The following AQP12A variants were observed in gnomAD, a reference collection of about 807,000 sequenced individuals.
AQP12A encodes putative aquaporin-12A.
A neutral mutation model predicts 12.2 loss-of-function variants in AQP12A; 11 were observed. The ratio of observed to expected loss-of-function variants is 0.90; its 90% CI spans 0.57 to 1.49. AQP12A has a LOEUF of 1.49. Ranked by LOEUF, AQP12A falls within the 40% of genes most tolerant of loss-of-function variation. The probability of loss-of-function intolerance (pLI) is 0.00; values close to 1 mark genes in which losing one functional copy is unlikely to be tolerated. For synonymous variants in AQP12A, 101 were observed against 127.1 expected (o/e 0.79, Z 1.38); for missense variants, 203 against 260.8 (o/e 0.78, Z 1.53).
intron 2 of AQP12A, among the ~76,000 whole-genome samples, chr2:240,693,587 T>C (rs376610979): frequency 0.2 from 29,928 of 147,260 alleles, 109 homozygotes; most frequent in Middle Eastern, 0.27. Context: ...GTCCCTGTGG[T>C]CCCTGCCCTC....
chr2:240,695,530 TGCCGA>T (rs1462485008), intron 3 of AQP12A: 1 of 340,884 alleles, frequency 2.9e-6, no homozygotes, highest in Admixed American at 3.5e-5. Flanking sequence ...CTGCCCCCGT[TGCCGA>T]GGCAGCACTG....
At chr2:240,692,714 G>A (rs1200623676) in intron 2 of AQP12A, among the ~76,000 whole-genome samples, 193 bp downstream of exon 2, 1 of 150,766 alleles carries the variant, frequency 6.6e-6, no homozygotes, top group African/African-American at 2.5e-5. Flanking sequence ...GGGGTGCGGT[G>A]GAGCAGCCTG....
At chr2:240,693,786 ATCTCTCTCTGTCTCTCCTC>A (rs1559462387) in intron 2 of AQP12A, among the ~76,000 whole-genome samples, 4 of 147,924 alleles carry the variant, frequency 2.7e-5, no homozygotes, top group Admixed American at 6.7e-5. Flanking sequence ...TATTTCTGAG[ATCTCTCTCTGTCTCTCCTC>A]TCTCTCTCTG....
Position 240,691,978 on chromosome 2 carries a change from G to A in AQP12A, c.65G>A (p.Arg22Lys), listed in dbSNP as rs752527432. The A allele has an allele frequency of 5.6e-5, 89 of 1,588,636 alleles. 7 individuals are homozygous for A. Among genetic ancestry groups the A allele is most frequent in the Non-Finnish European group, 7.2e-5 (84 of 1,168,912 alleles). ...FATFALCEAARRASKALLPVG... is the reference protein window; with the variant it reads ...FATFALCEAAKRASKALLPVG... ...ACCTTCGCCCTCTGTGAGGCGGCCA[G>A]GCGGGCCTCCAAGGCCCTGCTCCCA... is the stretch of plus-strand genomic sequence containing the variant. The change falls in exon 1 of 4, where the codon AGG becomes AAG. Residue 22 changes from arginine (R) to lysine (K), a missense_variant. Transcript: ENST00000337801.
intron 2 of AQP12A, among the ~76,000 whole-genome samples, chr2:240,694,087 A>ATC (rs1432620553): frequency 6.5e-5 from 5 of 77,026 alleles, no homozygotes; most frequent in Non-Finnish European, 9.4e-5. Flanking sequence ...GTCTCTCTCC[A>ATC]TCTCTCTCTG....
chr2:240,692,147 T>G lies in AQP12A; in HGVS notation c.197T>G (p.Leu66Arg). ...GPDLLLTLLF[L>R]LFLAHGVTLD... Reference sequence around the variant, plus strand: ...GACCTGCTGCTCACCCTGCTCTTCCTGCTCTTCCTGGCGCACGGGGTCACC... The same window carrying G: ...GACCTGCTGCTCACCCTGCTCTTCCGGCTCTTCCTGGCGCACGGGGTCACC... Residue 66 changes from leucine to arginine, a missense_variant, in exon 2 of 4, where the codon CTG (leucine) becomes CGG (arginine). Leu to Arg is a moderately radical substitution (Grantham distance 102). Coordinates refer to ENST00000337801, the MANE Select transcript of AQP12A (RefSeq NM_198998.3). The G allele has an allele frequency of 6.3e-7, 1 of 1,583,820 alleles. No individual in the cohort carries two copies. Among genetic ancestry groups the G allele is most frequent in the Non-Finnish European group, 8.6e-7 (1 of 1,168,420 alleles).
At position 240,692,421 on chromosome 2, in the gene AQP12A, C is replaced by A. The variant is rs750333235; in HGVS notation, c.471C>A (p.Cys157Ter). ...ACGGGGCGCTTGTGGAGGCCGCCTG[C>A]GCCTTTTGTTTCCATCTGACCCTCC... ...VPHGALVEAA[C>*]AFCFHLTLLH... The change falls in exon 2 of 4, where the codon TGC becomes TGA. Residue 157 changes from cysteine to a stop codon, truncating the protein, a stop_gained. Transcript: ENST00000337801. LOFTEE classifies it high-confidence loss of function. 6 of 1,515,692 alleles carry A rather than the reference C, an allele frequency of 4.0e-6. No homozygotes were observed. The highest frequency in any genetic ancestry group is 5.3e-6 in the Non-Finnish European group (6 of 1,132,970). The allele number at this position is 1,515,692 out of a possible 1,614,324, so 93.9% of individuals were successfully genotyped here.
At chr2:240,692,763 C>T (rs1313364431) in intron 2 of AQP12A, among the ~76,000 whole-genome samples, 4 of 151,140 alleles carry the variant, frequency 2.6e-5, no homozygotes, top group Non-Finnish European at 4.4e-5. Context: ...CACCTCTCCC[C>T]AGTCGCAGCT....
In AQP12A at chr2:240,691,899, G is replaced by C. The variant is rs531753848; in HGVS notation, c.-15G>C. On this transcript the variant is annotated 5_prime_UTR_variant, in exon 1 of 4. Transcript: ENST00000337801. ...AGGTGTCCTGCAGGCACAGCTCCTC[G>C]GGGGGCCCAGGCCGATGGCAGGTCT... 1.6e-5 allele frequency: 25 copies of C among 1,591,396 alleles called. 5 individuals carry two copies. Among genetic ancestry groups the C allele is most frequent in the East Asian group, 1.4e-4 (6 of 42,574 alleles).
Position 240,692,262 on chromosome 2 carries a change from G to A in AQP12A, c.312G>A (p.Ala104=), listed in dbSNP as rs778829127. The A allele has an allele frequency of 1.8e-5, 29 of 1,578,728 alleles. 5 individuals carry two copies. Among genetic ancestry groups the A allele is most frequent in the South Asian group, 1.5e-4 (13 of 88,148 alleles). Residue 104 remains alanine, a synonymous_variant, in exon 2 of 4, where the codon GCG becomes GCA. Coordinates refer to ENST00000337801, the MANE Select transcript of AQP12A (RefSeq NM_198998.3). ...TGCCTGGCACGCTGTTGAAGCTGGC[G>A]GCACAGGGGCTGGGCATGCAGGCCG... ...QSLPGTLLKL[A]AQGLGMQAAC...
chr2:240,692,120 C>T lies in AQP12A; in HGVS notation c.170C>T (p.Pro57Leu). Residue 57 changes from proline to leucine, a missense_variant, in exon 2 of 4, where the codon CCT becomes CTT. Coordinates refer to ENST00000337801, the MANE Select transcript of AQP12A (RefSeq NM_198998.3). ...ELGPWAGDFG[P>L]DLLLTLLFLL... ...GGGCCCTGGGCTGGGGACTTTGGGC[C>T]TGACCTGCTGCTCACCCTGCTCTTC... The T allele has an allele frequency of 1.3e-6, 2 of 1,583,824 alleles. No individual in the cohort carries two copies. Among genetic ancestry groups the T allele is most frequent in the Non-Finnish European group, 1.7e-6 (2 of 1,168,462 alleles).
rs1455276161 is a variant in AQP12A, at chr2:240,692,512, G to A, written c.562G>A (p.Ala188Thr). Residue 188 changes from alanine (A) to threonine (T), a missense_variant, in exon 2 of 4, where the codon GCC (alanine) becomes ACC (threonine). By Grantham distance (58) the Ala-to-Thr change is moderately conservative (BLOSUM62 0). Coordinates refer to ENST00000337801, the MANE Select transcript of AQP12A (RefSeq NM_198998.3). ...PAVALLVTVT[A>T]YTAGPFTSAF... ...TGTGGCTCTGTTGGTCACCGTCACG[G>A]CCTACACGGGTGAGCACTGCTTCCC... 2 of 1,361,030 alleles carry A rather than the reference G, an allele frequency of 1.5e-6. No individual in the cohort carries two copies. The highest frequency in any genetic ancestry group is 2.0e-6 in the Non-Finnish European group (2 of 1,014,758). 84.3% of individuals were successfully genotyped at this position (1,361,030 alleles called of 1,614,324 possible).
intron 2 of AQP12A, among the ~76,000 whole-genome samples, chr2:240,693,821 CCTCT>C (rs758364823): frequency 0.021 from 2,082 of 97,714 alleles, 12 homozygotes; most frequent in African/African-American, 0.059. Context: ...CTCTGTCTCT[CCTCT>C]CTCTCTCTGT....
chr2:240,693,853 G>T (rs1232737756), intron 2 of AQP12A, among the ~76,000 whole-genome samples: 4 of 60,456 alleles, frequency 6.6e-5, no homozygotes, highest in Admixed American at 2.1e-4. Flanking sequence ...CTCTCTCTCT[G>T]TCTCTCCTCT....
intron 2 of AQP12A, among the ~76,000 whole-genome samples, chr2:240,692,901 C>T (rs1387312845): frequency 2.6e-5 from 4 of 151,690 alleles, no homozygotes; most frequent in Admixed American, 1.3e-4. Flanking sequence ...CCTTCCAGAG[C>T]GACAGGTCCT....
rs1319469283 is a variant in AQP12A at position 240,692,048 on chromosome 2, T to A, written c.123+12T>A. ...TCGCCCGGGAGGCGGTGGGTGCGGG[T>A]GCAGCTCGGGCCCTGCTGCCTGGAG... On this transcript the variant is annotated intron_variant, in intron 1 of 3. Coordinates refer to ENST00000337801, the MANE Select transcript of AQP12A (RefSeq NM_198998.3). 1 of 1,579,132 alleles carries A rather than the reference T, an allele frequency of 6.3e-7. No individual in the cohort carries two copies.
rs758912676 is a variant in AQP12A, at chr2:240,692,205, C to G, written c.255C>G (p.Ser85=). The change falls in exon 2 of 4, where the codon TCC becomes TCG. Residue 85 remains serine, a synonymous_variant. Coordinates refer to ENST00000337801, the MANE Select transcript of AQP12A (RefSeq NM_198998.3). The part of the protein sequence containing the change: ...LDGASANPTV[S]LQEFLMAEQS... ...GGGCCTCGGCCAACCCCACTGTGTC[C>G]CTGCAGGAGTTCCTCATGGCCGAGC... 3.2e-6 allele frequency: 5 copies of G among 1,580,732 alleles called. No individual in the cohort carries two copies. The highest frequency in any genetic ancestry group is 3.4e-6 in the Non-Finnish European group (4 of 1,167,798).
chr2:240,695,538 C>CA (rs2044104608), intron 3 of AQP12A: 1 of 332,788 alleles, frequency 3.0e-6, no homozygotes, highest in African/African-American at 2.2e-5. Flanking sequence ...GTTGCCGAGG[C>CA]AGCACTGCCC....
chr2:240,693,796 GTCTCTCCTCTCTC>G, intron 2 of AQP12A, among the ~76,000 whole-genome samples: 3 of 141,386 alleles, frequency 2.1e-5, no homozygotes, highest in Non-Finnish European at 4.7e-5. Flanking sequence ...ATCTCTCTCT[GTCTCTCCTCTCTC>G]TCTCTGTCTC....
Sources: gnomAD v4.1 joint callset for allele counts (sites outside exome capture counted in the v4.1 genomes callset) on GRCh38, gnomAD v4.1.1 for gene constraint, MANE v1.5 for transcripts, NCBI Gene and HGNC (gene_info 2026-07-23, HGNC 2026-07-21) for gene names.